Variants in GRK4 observed in about 807,000 individuals in gnomAD.
The protein encoded by GRK4 is G protein-coupled receptor kinase 4, also known as G protein-coupled receptor kinase 2-like.
Under a neutral mutation model 77.9 loss-of-function variants are expected in GRK4, and 73 were observed. That is an observed-to-expected ratio of 0.94 (90% CI 0.78 to 1.14). The LOEUF is 1.14. Ranked by LOEUF, GRK4 falls within the 50% of genes most tolerant of loss-of-function variation. The pLI, the probability that GRK4 is intolerant of heterozygous loss-of-function variation, is 0.00. For synonymous variants in GRK4, 257 were observed against 254.4 expected (o/e 1.01, Z -0.10); for missense variants, 729 against 700.2 (o/e 1.04, Z -0.46).
chr4:2,991,420 G>C (rs1190017411), intron 3 of GRK4, among the ~76,000 whole-genome samples: 1 of 152,244 alleles, frequency 6.6e-6, no homozygotes, highest in Non-Finnish European at 1.5e-5. Context: ...AGCCTGCCCA[G>C]TTGGCATATC....
intron 4 of GRK4, among the ~76,000 whole-genome samples, chr4:2,993,981 A>T (rs1004402433): frequency 4.6e-5 from 7 of 152,206 alleles, no homozygotes; most frequent in Admixed American, 6.5e-5. Flanking sequence ...TGTACAAAAA[A>T]TAGAGTGCCA....
At chr4:3,038,550 G>T in intron 15 of GRK4, 37 bp downstream of exon 15, 3 of 1,407,936 alleles carry the variant, frequency 2.1e-6, no homozygotes, top group South Asian at 1.3e-5. Context: ...GTGTGTGTAT[G>T]TGAAAAAAAA....
At chr4:2,987,467 A>T (rs1362489858) in intron 2 of GRK4, among the ~76,000 whole-genome samples, 3 of 152,222 alleles carry the variant, frequency 2.0e-5, no homozygotes, top group Non-Finnish European at 2.9e-5. Flanking sequence ...TGAAATGTAC[A>T]GTTCGGTGGC....
intron 1 of GRK4, among the ~76,000 whole-genome samples, chr4:2,974,208 T>C (rs1004189392): frequency 6.6e-6 from 1 of 152,256 alleles, no homozygotes; most frequent in Non-Finnish European, 1.5e-5. Context: ...TTATCTCATA[T>C]ACGTATATTT....
At chr4:2,978,024 A>G (rs950041775) in intron 1 of GRK4, among the ~76,000 whole-genome samples, 2 of 152,226 alleles carry the variant, frequency 1.3e-5, no homozygotes, top group African/African-American at 4.8e-5. Flanking sequence ...CTTTTGTAAC[A>G]TGAGCCTTTG....
At chr4:3,038,026 G>A (rs910252152) in intron 14 of GRK4, among the ~76,000 whole-genome samples, 4 of 152,156 alleles carry the variant, frequency 2.6e-5, no homozygotes, top group Non-Finnish European at 5.9e-5. Flanking sequence ...GCTGTCCCTG[G>A]TCCCAATGAC....
At chr4:3,004,107 G>A in intron 4 of GRK4, 124 bp from the exon 5 acceptor site, 1 of 711,002 alleles carries the variant, frequency 1.4e-6, no homozygotes, top group South Asian at 1.7e-5. Context: ...GAGGGTCCAG[G>A]TGGCACTTTG....
chr4:3,009,670 T>C lies in GRK4; in HGVS notation c.559T>C (p.Phe187Leu). Residue 187 changes from phenylalanine (F) to leucine (L), a missense_variant, in exon 7 of 16, where the codon TTT (phenylalanine) becomes CTT (leucine). Transcript: ENST00000398052. ...TAGGCAACCCGTAACAAAGAACACA[T>C]TTAGACATTACAGAGTTCTAGGAAA... ...LERQPVTKNT[F>L]RHYRVLGKGG... The C allele has an allele frequency of 1.2e-6, 2 of 1,613,848 alleles. No individual in the cohort carries two copies. Among genetic ancestry groups the C allele is most frequent in the Non-Finnish European group, 1.7e-6 (2 of 1,179,832 alleles).
intron 4 of GRK4, among the ~76,000 whole-genome samples, chr4:3,002,940 A>G (rs1280524843): frequency 1.3e-5 from 2 of 152,212 alleles, no homozygotes; most frequent in African/African-American, 2.4e-5. Context: ...AACACGTAAC[A>G]TGAAGGTTAC....
intron 1 of GRK4, among the ~76,000 whole-genome samples, chr4:2,973,688 G>T (rs924846715): frequency 7.9e-5 from 12 of 152,112 alleles, no homozygotes; most frequent in African/African-American, 4.8e-5. Context: ...CTGTCACTTG[G>T]CTCAAGCCGT....
At chr4:3,023,226 C>T (rs1736552844) in intron 10 of GRK4, among the ~76,000 whole-genome samples, 1 of 152,198 alleles carries the variant, frequency 6.6e-6, no homozygotes, top group Non-Finnish European at 1.5e-5. Flanking sequence ...TCCTTGTCTG[C>T]AGCATGGGTG....
intron 4 of GRK4, among the ~76,000 whole-genome samples, chr4:2,995,506 T>TAAA (rs35993504): frequency 4.3e-5 from 4 of 93,956 alleles, no homozygotes; most frequent in Admixed American, 1.2e-4. Context: ...TCATCTCTAC[T>TAAA]AAAAAAAAAA....
chr4:2,964,899 C>T (rs1390963276), intron 1 of GRK4, among the ~76,000 whole-genome samples: 4 of 151,436 alleles, frequency 2.6e-5, no homozygotes, highest in Non-Finnish European at 5.9e-5. Context: ...AAGTCGAATC[C>T]AAAGGAATAG....
At chr4:3,038,807 A>G in intron 15 of GRK4, 1 of 318,714 alleles carries the variant, frequency 3.1e-6, no homozygotes, top group African/African-American at 2.1e-5. Flanking sequence ...TGGGCTCAGA[A>G]ATCGGCATCC....
chr4:2,966,634 C>A (rs1329717022), intron 1 of GRK4: 1 of 152,080 alleles, frequency 6.6e-6, no homozygotes, highest in Non-Finnish European at 1.5e-5. Context: ...AGGGCTTTTT[C>A]CCAAGTTGAT....
At chr4:2,994,399 C>T (rs568280422) in intron 4 of GRK4, among the ~76,000 whole-genome samples, 6 of 152,182 alleles carry the variant, frequency 3.9e-5, no homozygotes, top group South Asian at 2.1e-4. Flanking sequence ...TTAGTACAGA[C>T]GGGGTTTTGC....
At chr4:2,969,963 G>A (rs762916134) in intron 1 of GRK4, among the ~76,000 whole-genome samples, 78 of 152,188 alleles carry the variant, frequency 5.1e-4, no homozygotes, top group Non-Finnish European at 8.4e-4. Context: ...ATTACAGGGT[G>A]AACCACTACA....
intron 15 of GRK4, among the ~76,000 whole-genome samples, chr4:3,040,042 A>G (rs1741960119): frequency 6.6e-6 from 1 of 152,254 alleles, no homozygotes; most frequent in East Asian, 1.9e-4. Context: ...GCCATGGTAC[A>G]TGCAGAACTT....
chr4:2,973,367 G>A (rs1049381907), intron 1 of GRK4, among the ~76,000 whole-genome samples: 1 of 152,140 alleles, frequency 6.6e-6, no homozygotes, highest in African/African-American at 2.4e-5. Flanking sequence ...TGATCTTGTA[G>A]TACTATGGCT....
Sources: allele counts gnomAD v4.1 joint callset (sites outside exome capture counted in the v4.1 genomes callset), GRCh38; gene constraint gnomAD v4.1.1; transcripts MANE v1.5; gene names NCBI Gene and HGNC (gene_info 2026-07-23, HGNC 2026-07-21).